The following SMU1 variants were observed in gnomAD, a reference collection of about 807,000 sequenced individuals.
SMU1 encodes WD40 repeat-containing protein SMU1.
In SMU1, 2 loss-of-function variants were observed where a neutral mutation model predicts 62.0. The observed-to-expected ratio is 0.03, with a 90% CI of 0.01 to 0.10. SMU1 has a LOEUF of 0.10. Among genes scored for constraint, SMU1 ranks in the 10% least tolerant of loss-of-function variants. SMU1 has a pLI of 1.00. For missense variants in SMU1, 227 were observed against 622.1 expected (o/e 0.36, Z 6.76); for synonymous variants, 188 against 212.4 (o/e 0.89, Z 1.00).
At chr9:33,062,210 T>TC (rs1587710092) in intron 4 of SMU1, 33 bp from the exon 5 acceptor site, 1 of 1,597,022 alleles carries the variant, frequency 6.3e-7, no homozygotes, top group Non-Finnish European at 8.5e-7. Flanking sequence ...AGCAATCTGT[T>TC]CAGGTGCTTT....
At chr9:33,052,995 A>G (rs1839266149) in intron 10 of SMU1, 128 bp downstream of exon 10, 2 of 765,028 alleles carry the variant, frequency 2.6e-6, no homozygotes, top group Admixed American at 4.7e-5. Flanking sequence ...TGAAAAACAA[A>G]TACAGCTTAA....
In SMU1 at chr9:33,073,794, A is replaced by G. The variant is rs756669674; in HGVS notation, c.39T>C (p.Leu13=). 3 of 1,613,934 alleles carry G rather than the reference A, an allele frequency of 1.9e-6. No homozygotes were observed. The East Asian group carries it at 6.7e-5, about 36-fold the overall frequency. ...IEIESSDVIR[L]IMQYLKENSL... ...TGTTCTCCTTCAAGTACTGCATAATAAGGCGGATCACACTGAAAGAAAACA... is the reference window on the plus strand; with the variant it reads ...TGTTCTCCTTCAAGTACTGCATAATGAGGCGGATCACACTGAAAGAAAACA... The change falls in exon 2 of 12, where the codon CTT becomes CTC. Residue 13 remains leucine (L), a synonymous_variant. Transcript: ENST00000397149.
intron 4 of SMU1, 141 bp downstream of exon 4, chr9:33,068,683 T>C: frequency 1.0e-6 from 1 of 974,342 alleles, no homozygotes; most frequent in South Asian, 1.8e-5. Context: ...TTTTTTACTT[T>C]TTGTAGAGAC....
intron 4 of SMU1, among the ~76,000 whole-genome samples, chr9:33,066,761 GT>G (rs978627527): frequency 7.1e-4 from 108 of 151,742 alleles, no homozygotes; most frequent in African/African-American, 2.5e-3. Flanking sequence ...AGCCAAGATC[GT>G]GCCACTGCAC....
chr9:33,053,733 A>AT (rs1458029515), intron 9 of SMU1, among the ~76,000 whole-genome samples: 2 of 152,166 alleles, frequency 1.3e-5, no homozygotes, highest in African/African-American at 4.8e-5. Flanking sequence ...TTCCCCAAAT[A>AT]TTTTCAATTT....
chr9:33,059,057 C>T (rs1368167590), intron 6 of SMU1, among the ~76,000 whole-genome samples: 2 of 151,974 alleles, frequency 1.3e-5, no homozygotes, highest in African/African-American at 4.8e-5. Flanking sequence ...TGTTTAACTT[C>T]ATTTATAAGA....
chr9:33,052,867 A>G (rs1193162054), intron 10 of SMU1, among the ~76,000 whole-genome samples: 4 of 152,252 alleles, frequency 2.6e-5, no homozygotes, highest in Non-Finnish European at 5.9e-5. Context: ...GGAGGCTTAA[A>G]GACAGATAGG....
chr9:33,064,502 T>C (rs1224796873), intron 4 of SMU1, among the ~76,000 whole-genome samples: 5 of 152,202 alleles, frequency 3.3e-5, no homozygotes, highest in Admixed American at 2.0e-4. Context: ...CAACATCATA[T>C]ACTAAATGTA....
At chr9:33,049,788 A>G (rs1444359495) in intron 10 of SMU1, among the ~76,000 whole-genome samples, 1 of 150,944 alleles carries the variant, frequency 6.6e-6, no homozygotes, top group Non-Finnish European at 1.5e-5. Flanking sequence ...ACACACACAC[A>G]AAAGTCGGGC....
At chr9:33,073,289 T>G (rs1839508064) in intron 2 of SMU1, among the ~76,000 whole-genome samples, 1 of 151,956 alleles carries the variant, frequency 6.6e-6, no homozygotes, top group Non-Finnish European at 1.5e-5. Context: ...TCCTAGCTAC[T>G]CAGGAGGCTG....
chr9:33,047,462 G>A (rs555995763), intron 11 of SMU1, 71 bp from the exon 12 acceptor site: 182 of 1,265,928 alleles, frequency 1.4e-4, no homozygotes, highest in Non-Finnish European at 1.8e-4. Flanking sequence ...GCTTCCAGAG[G>A]TGGGTGGAAG....
intron 10 of SMU1, among the ~76,000 whole-genome samples, chr9:33,049,325 A>G (rs1261149386): frequency 6.6e-6 from 1 of 152,252 alleles, no homozygotes; most frequent in Non-Finnish European, 1.5e-5. Flanking sequence ...TAGCAAAAGC[A>G]ATATAATAGA....
chr9:33,044,532 G>GC lies in SMU1; in HGVS notation c.*2760dup, dbSNP rs1214087016. The GC allele has an allele frequency of 1.3e-5, 2 of 152,318 alleles. No individual in the cohort carries two copies. The highest frequency in any genetic ancestry group is 4.8e-5 in the African/African-American group (2 of 41,462). The allele number at this position is 152,318 out of a possible 1,614,324, so 9.4% of individuals were successfully genotyped here. On this transcript the variant is annotated 3_prime_UTR_variant, in exon 12 of 12. Transcript: ENST00000397149. ...CTGGCTGTAAGGGCGCTGGAGGGGAGCTGGGCTGCCCCAGCCTTCAATGCT... is the reference window on the plus strand; with the variant it reads ...CTGGCTGTAAGGGCGCTGGAGGGGAGCCTGGGCTGCCCCAGCCTTCAATGCT...
rs962276054 is a variant in SMU1, at chr9:33,046,001, C to G, written c.*1292G>C. The G allele has an allele frequency of 1.3e-5, 2 of 152,178 alleles. No homozygotes were observed. The highest frequency in any genetic ancestry group is 4.8e-5 in the African/African-American group (2 of 41,446). 9.4% of individuals were successfully genotyped at this position (152,178 alleles called of 1,614,324 possible). ...AGAACTCACGTTCTTGAAAGTACTGCCTAGCATGGTATCTTCCTCATCATC... is the reference window on the plus strand; with the variant it reads ...AGAACTCACGTTCTTGAAAGTACTGGCTAGCATGGTATCTTCCTCATCATC... On this transcript the variant is annotated 3_prime_UTR_variant, in exon 12 of 12. Transcript: ENST00000397149.
chr9:33,048,035 C>A, intron 11 of SMU1, 71 bp downstream of exon 11: 1 of 1,450,698 alleles, frequency 6.9e-7, no homozygotes, highest in Non-Finnish European at 9.5e-7. Flanking sequence ...GGAAAAGGCA[C>A]ATACTTCAGA....
chr9:33,052,530 T>C (rs921636268), intron 10 of SMU1, among the ~76,000 whole-genome samples: 2 of 152,080 alleles, frequency 1.3e-5, no homozygotes, highest in African/African-American at 4.8e-5. Flanking sequence ...AGCCCCTGGG[T>C]CTTCTCTATG....
At chr9:33,069,714 AT>A (rs1412917521) in intron 3 of SMU1, among the ~76,000 whole-genome samples, 1 of 152,180 alleles carries the variant, frequency 6.6e-6, no homozygotes, top group Non-Finnish European at 1.5e-5. Flanking sequence ...AGGCAGGAGA[AT>A]TCCTGGAACC....
At chr9:33,072,843 A>AAC (rs1554681862) in intron 2 of SMU1, among the ~76,000 whole-genome samples, 1 of 151,832 alleles carries the variant, frequency 6.6e-6, no homozygotes, top group Non-Finnish European at 1.5e-5. Flanking sequence ...AAAAAACAAA[A>AAC]AAAAAAACCC....
chr9:33,055,644 T>C lies in SMU1; in HGVS notation c.1122+469A>G, dbSNP rs148718613. 4.5e-3 allele frequency among the ~76,000 whole-genome samples: 683 copies of C among 152,332 alleles called. 2 individuals carry two copies. The highest frequency in any genetic ancestry group is 0.016 in the African/African-American group (646 of 41,580). On this transcript the variant is annotated intron_variant, in intron 9 of 11. Coordinates refer to ENST00000397149, the MANE Select transcript of SMU1 (RefSeq NM_018225.3). ...AACTATCTAGGAGAAGGCTTAGTTT[T>C]ACTCAACACCTCTCCTATTCCTCTA...
Sources: allele counts gnomAD v4.1 joint callset (sites outside exome capture counted in the v4.1 genomes callset), GRCh38; gene constraint gnomAD v4.1.1; transcripts MANE v1.5; gene names NCBI Gene and HGNC (gene_info 2026-07-23, HGNC 2026-07-21).